IL1RAPL2: variants seen among roughly 807,000 people sequenced by gnomAD.
The protein encoded by IL1RAPL2 is X-linked interleukin-1 receptor accessory protein-like 2.
In IL1RAPL2, 3 loss-of-function variants were observed where a neutral mutation model predicts 44.1. That is an observed-to-expected ratio of 0.07 (90% CI 0.03 to 0.18). IL1RAPL2 has a LOEUF of 0.18. IL1RAPL2 is among the 10% of genes least tolerant of loss of function. The pLI, the probability that IL1RAPL2 is intolerant of heterozygous loss-of-function variation, is 1.00. For missense variants in IL1RAPL2, 391 were observed against 496.4 expected, an observed-to-expected ratio of 0.79 and a Z score of 2.02; for synonymous variants, 181 against 178.8, an observed-to-expected ratio of 1.01 and a Z score of -0.10.
chrX:104,713,040 GC>G (rs1450529934), intron 2 of IL1RAPL2, among the ~76,000 whole-genome samples: 4 of 111,025 alleles, frequency 3.6e-5, no homozygotes, highest in Non-Finnish European at 7.6e-5. Context: ...AGCTTTCAAT[GC>G]TGGTGTTTTA....
intron 5 of IL1RAPL2, among the ~76,000 whole-genome samples, chrX:105,459,801 C>T (rs1038027979): frequency 8.1e-5 from 9 of 111,249 alleles, no homozygotes; most frequent in African/African-American, 2.9e-4. Context: ...TTCCAATTTG[C>T]TTTGCTACCC....
chrX:104,591,907 T>C (rs1928673264), intron 1 of IL1RAPL2, among the ~76,000 whole-genome samples: 1 of 110,466 alleles, frequency 9.1e-6, no homozygotes, highest in Admixed American at 9.8e-5. Flanking sequence ...TTTATGCTAC[T>C]GGTAAACTCA....
At chrX:105,753,061 G>T (rs2038609173) in intron 9 of IL1RAPL2, 1 of 326,064 alleles carries the variant, frequency 3.1e-6, no homozygotes, top group African/African-American at 2.7e-5. Flanking sequence ...CTTAGAAAAT[G>T]TAAGTATAGA....
intron 2 of IL1RAPL2, among the ~76,000 whole-genome samples, chrX:104,885,802 A>G (rs1199971231): frequency 8.9e-6 from 1 of 112,644 alleles, no homozygotes; most frequent in Non-Finnish European, 1.9e-5. Context: ...AGGACACTTT[A>G]AAAAAGATTG....
At chrX:105,466,532 T>C (rs2036131646) in intron 5 of IL1RAPL2, among the ~76,000 whole-genome samples, 1 of 111,663 alleles carries the variant, frequency 9.0e-6, no homozygotes, top group Non-Finnish European at 1.9e-5. Context: ...TTCATTTGTA[T>C]GCAAAAACTT....
intron 6 of IL1RAPL2, among the ~76,000 whole-genome samples, chrX:105,541,437 C>T (rs1262168598): frequency 9.0e-6 from 1 of 111,082 alleles, no homozygotes; most frequent in Non-Finnish European, 1.9e-5. Context: ...TGGAAAAGTA[C>T]AGATTGTCTT....
chrX:105,382,981 A>C (rs1388431585), intron 5 of IL1RAPL2, among the ~76,000 whole-genome samples: 7 of 41,523 alleles, frequency 1.7e-4, no homozygotes, highest in African/African-American at 5.1e-4. Flanking sequence ...GGGTGGGGGG[A>C]GGGGGGAGGG....
chrX:105,119,589 C>T (rs768239281), intron 2 of IL1RAPL2, among the ~76,000 whole-genome samples: 34 of 102,480 alleles, frequency 3.3e-4, no homozygotes, highest in Non-Finnish European at 5.5e-4. Context: ...CTAATGCTTT[C>T]GGTGCCCAAT....
chrX:105,329,314 A>G (rs1407472795), intron 5 of IL1RAPL2, among the ~76,000 whole-genome samples: 1 of 111,334 alleles, frequency 9.0e-6, no homozygotes, highest in Non-Finnish European at 1.9e-5. Context: ...ATCTGGTCCA[A>G]CCCCCTACAT....
intron 2 of IL1RAPL2, among the ~76,000 whole-genome samples, chrX:105,019,146 A>G (rs2031239285): frequency 8.9e-6 from 1 of 112,029 alleles, no homozygotes; most frequent in African/African-American, 3.2e-5. Context: ...GTCACTGGGC[A>G]GGCATGCAAT....
intron 2 of IL1RAPL2, among the ~76,000 whole-genome samples, chrX:104,948,046 T>C (rs1925441039): frequency 9.0e-6 from 1 of 110,643 alleles, no homozygotes. Flanking sequence ...TTCCTACCCA[T>C]GAGCATGGAA....
At chrX:104,860,302 G>A (rs1263535801) in intron 2 of IL1RAPL2, among the ~76,000 whole-genome samples, 2 of 111,602 alleles carry the variant, frequency 1.8e-5, no homozygotes, top group East Asian at 2.8e-4. Flanking sequence ...TAGATGTGGT[G>A]GGAAGAAACC....
At chrX:104,767,999 C>CAT (rs1027499322) in intron 2 of IL1RAPL2, among the ~76,000 whole-genome samples, 5 of 111,753 alleles carry the variant, frequency 4.5e-5, no homozygotes, top group Admixed American at 2.8e-4. Flanking sequence ...TTTTAATTGA[C>CAT]ATAAAATTGT....
chrX:104,751,026 A>G (rs1411716925), intron 2 of IL1RAPL2, among the ~76,000 whole-genome samples: 2 of 111,300 alleles, frequency 1.8e-5, no homozygotes, highest in African/African-American at 3.3e-5. Context: ...CAACTCTACA[A>G]TCAGTTAATT....
intron 6 of IL1RAPL2, among the ~76,000 whole-genome samples, chrX:105,559,640 C>T (rs747615331): frequency 7.1e-5 from 8 of 111,924 alleles, no homozygotes; most frequent in Non-Finnish European, 1.5e-4. Flanking sequence ...TGATGTCAGT[C>T]CACAAGAAGA....
At chrX:105,420,514 A>G (rs2035766930) in intron 5 of IL1RAPL2, among the ~76,000 whole-genome samples, 1 of 111,928 alleles carries the variant, frequency 8.9e-6, no homozygotes, top group Non-Finnish European at 1.9e-5. Context: ...TGCTTGGTTC[A>G]TCAGGGACTC....
chrX:104,622,896 A>G (rs1929427122), intron 1 of IL1RAPL2, among the ~76,000 whole-genome samples: 1 of 111,863 alleles, frequency 8.9e-6, no homozygotes, highest in African/African-American at 3.3e-5. Flanking sequence ...ATAAATTTTA[A>G]TAACTTTTTT....
intron 2 of IL1RAPL2, among the ~76,000 whole-genome samples, chrX:105,084,174 A>C (rs187082409): frequency 1.8e-5 from 2 of 112,618 alleles, no homozygotes; most frequent in African/African-American, 6.4e-5. Flanking sequence ...GAAGGAAAAA[A>C]TGTAGGGTAG....
Position 105,274,391 on chromosome X carries a change from A to C in IL1RAPL2, c.697+6850A>C, listed in dbSNP as rs146165891. Reference sequence around the variant, plus strand: ...TTGTGTTTTGATGCCATATGGCCCTACTAGTATGATAATTTATATTGAGAA... The same window carrying C: ...TTGTGTTTTGATGCCATATGGCCCTCCTAGTATGATAATTTATATTGAGAA... On this transcript the variant is annotated intron_variant, in intron 5 of 10. Transcript: ENST00000372582. Among the ~76,000 whole-genome samples, 545 of 112,424 alleles carry C rather than the reference A, an allele frequency of 4.8e-3. 5 individuals are homozygous for C. The highest frequency in any genetic ancestry group is 0.016 in the African/African-American group (483 of 30,993).
Sources: gnomAD v4.1 joint callset for allele counts (sites outside exome capture counted in the v4.1 genomes callset) on GRCh38, gnomAD v4.1.1 for gene constraint, MANE v1.5 for transcripts, NCBI Gene and HGNC (gene_info 2026-07-23, HGNC 2026-07-21) for gene names.